MYO16: variants seen among roughly 807,000 people sequenced by gnomAD.
MYO16 encodes the protein unconventional myosin-XVI.
Under a neutral mutation model 205.3 loss-of-function variants are expected in MYO16, and 94 were observed. The ratio of observed to expected loss-of-function variants is 0.46; its 90% CI spans 0.39 to 0.54. The LOEUF is 0.54. MYO16 is among the 20% of genes least tolerant of loss of function. The pLI is 0.00. For synonymous variants in MYO16, 988 were observed against 954.0 expected, an observed-to-expected ratio of 1.04 and a Z score of -0.66; for missense variants, 2,315 against 2,387.5, an observed-to-expected ratio of 0.97 and a Z score of 0.63.
chr13:108,889,937 G>A (rs113829088), intron 14 of MYO16, among the ~76,000 whole-genome samples: 6 of 151,740 alleles, frequency 4.0e-5, no homozygotes, highest in African/African-American at 9.7e-5. Context: ...TACTATTATT[G>A]TTATTTATTT....
intron 9 of MYO16, among the ~76,000 whole-genome samples, chr13:108,833,238 T>A (rs1423501064): frequency 6.7e-6 from 1 of 149,492 alleles, no homozygotes; most frequent in Non-Finnish European, 1.5e-5. Flanking sequence ...TATTTTACCA[T>A]AATGGTCTTT....
chr13:109,136,710 T>A (rs1876793080), intron 31 of MYO16, among the ~76,000 whole-genome samples: 1 of 152,206 alleles, frequency 6.6e-6, no homozygotes, highest in Admixed American at 6.5e-5. Flanking sequence ...TTCCAGCATC[T>A]TCCTCACTGT....
chr13:108,784,180 A>T (rs879881738), intron 4 of MYO16, among the ~76,000 whole-genome samples: 2 of 152,214 alleles, frequency 1.3e-5, no homozygotes, highest in Admixed American at 1.3e-4. Flanking sequence ...CTTGGAGACT[A>T]AAGGAAAAGA....
At chr13:108,603,858 T>C (rs980824780) in intron 1 of MYO16, among the ~76,000 whole-genome samples, 1 of 152,192 alleles carries the variant, frequency 6.6e-6, no homozygotes, top group Non-Finnish European at 1.5e-5. Context: ...CCTTGATCAA[T>C]AACAAATACA....
the MYO16 span, among the ~76,000 whole-genome samples, chr13:108,552,724 G>A: frequency 6.6e-6 from 1 of 152,124 alleles, no homozygotes; most frequent in African/African-American, 2.4e-5. Context: ...ATCTGTCTCA[G>A]TCTGTTCTGT....
chr13:108,531,945 G>T, the MYO16 span, among the ~76,000 whole-genome samples: 13 of 152,120 alleles, frequency 8.5e-5, no homozygotes, highest in African/African-American at 2.9e-4. Flanking sequence ...GGTGGCTCAC[G>T]CCTGTAATCC....
chr13:108,920,078 T>A (rs1881671769), intron 16 of MYO16, among the ~76,000 whole-genome samples: 1 of 152,220 alleles, frequency 6.6e-6, no homozygotes, highest in South Asian at 2.1e-4. Context: ...GAGAAGGGGC[T>A]GTGAACTGTG....
chr13:108,808,990 T>C (rs1352118159), intron 7 of MYO16, among the ~76,000 whole-genome samples: 1 of 152,206 alleles, frequency 6.6e-6, no homozygotes, highest in Non-Finnish European at 1.5e-5. Context: ...TGTTATTACC[T>C]GCCTTTACCT....
At chr13:108,548,254 G>A in the MYO16 span, among the ~76,000 whole-genome samples, 1 of 151,996 alleles carries the variant, frequency 6.6e-6, no homozygotes, top group South Asian at 2.1e-4. Flanking sequence ...TGGCAGTGGT[G>A]GTGGGAATGA....
intron 10 of MYO16, among the ~76,000 whole-genome samples, chr13:108,854,440 T>G (rs1232434209): frequency 6.6e-6 from 1 of 152,208 alleles, no homozygotes; most frequent in African/African-American, 2.4e-5. Flanking sequence ...TAAAGATGTT[T>G]AGTATTTTTT....
chr13:109,133,337 A>T (rs777620685), intron 31 of MYO16, among the ~76,000 whole-genome samples: 1 of 152,210 alleles, frequency 6.6e-6, no homozygotes, highest in Non-Finnish European at 1.5e-5. Flanking sequence ...ACACGCAGAC[A>T]CTGTTTATTT....
Position 109,179,643 on chromosome 13 carries a change from T to G in MYO16, c.5415+10T>G. The stretch of plus-strand genomic sequence containing the variant: ...CAGTCACACCACTCAGGTAATGATG[T>G]CTGTCTGTTCACATGTGCAGTGACA... On this transcript the variant is annotated intron_variant, in intron 34 of 34. Coordinates refer to ENST00000457511, the MANE Select transcript of MYO16 (RefSeq NM_001198950.3). The G allele has an allele frequency of 1.2e-6, 2 of 1,600,198 alleles. No individual in the cohort carries two copies. Among genetic ancestry groups the G allele is most frequent in the Non-Finnish European group, 1.7e-6 (2 of 1,167,470 alleles).
At chr13:109,088,097 T>C (rs1343702037) in intron 27 of MYO16, among the ~76,000 whole-genome samples, 2 of 152,222 alleles carry the variant, frequency 1.3e-5, no homozygotes, top group African/African-American at 4.8e-5. Flanking sequence ...GTGTGGTTGG[T>C]TCCTCTGCCT....
At chr13:108,996,929 A>G (rs1885019150) in intron 21 of MYO16, among the ~76,000 whole-genome samples, 7 of 152,262 alleles carry the variant, frequency 4.6e-5, no homozygotes, top group Admixed American at 3.9e-4. Context: ...CTCCCACTAA[A>G]CACATACATG....
At chr13:108,723,868 T>C (rs1166718737) in intron 3 of MYO16, among the ~76,000 whole-genome samples, 1 of 152,150 alleles carries the variant, frequency 6.6e-6, no homozygotes, top group Non-Finnish European at 1.5e-5. Flanking sequence ...AAAACCCTTC[T>C]GGAATTATGA....
chr13:108,738,797 C>A (rs1333758255), intron 4 of MYO16, among the ~76,000 whole-genome samples: 1 of 152,116 alleles, frequency 6.6e-6, no homozygotes, highest in Non-Finnish European at 1.5e-5. Context: ...TCTCTAAGGA[C>A]TTGCTTTATG....
Position 108,957,668 on chromosome 13 carries a change from C to T in MYO16, c.1926-20C>T, listed in dbSNP as rs774691422. 7.0e-5 allele frequency: 109 copies of T among 1,547,484 alleles called. No individual in the cohort carries two copies. The highest frequency in any genetic ancestry group is 1.7e-4 in the Middle Eastern group (1 of 5,926). On this transcript the variant is annotated intron_variant, in intron 16 of 34. Coordinates refer to ENST00000457511, the MANE Select transcript of MYO16 (RefSeq NM_001198950.3). ...GACCGGAAGCCAGGCGATAACGTTA[C>T]GTGCCTTGTCTCCTAACAGGTATTT...
At chr13:108,626,790 G>C (rs191107120), upstream of MYO16, among the ~76,000 whole-genome samples, 74 of 151,412 alleles carry the variant, frequency 4.9e-4, no homozygotes, top group African/African-American at 1.5e-3. Flanking sequence ...GGGTGACAGA[G>C]AGAAACTCCA....
chr13:108,793,744 A>C (rs1886696383), intron 6 of MYO16, 104 bp downstream of exon 6: 1 of 1,247,278 alleles, frequency 8.0e-7, no homozygotes, highest in African/African-American at 1.5e-5. Context: ...TGTTGTGATC[A>C]TAAAGTAATA....
Sources: allele counts gnomAD v4.1 joint callset (sites outside exome capture counted in the v4.1 genomes callset), GRCh38; gene constraint gnomAD v4.1.1; transcripts MANE v1.5; gene names NCBI Gene and HGNC (gene_info 2026-07-23, HGNC 2026-07-21).